ERBB4: variants seen among roughly 807,000 people sequenced by gnomAD.
The protein encoded by ERBB4 is erb-b2 receptor tyrosine kinase 4, also known as receptor tyrosine-protein kinase erbB-4.
A neutral mutation model predicts 158.0 loss-of-function variants in ERBB4; 42 were observed. That is an observed-to-expected ratio of 0.27 (90% CI 0.21 to 0.34). The LOEUF is 0.34. ERBB4 is among the 10% of genes least tolerant of loss of function. The pLI is 1.00. For missense variants in ERBB4, 1,333 were observed against 1,624.1 expected, an observed-to-expected ratio of 0.82 and a Z score of 3.08; for synonymous variants, 583 against 558.7, an observed-to-expected ratio of 1.04 and a Z score of -0.61.
intron 1 of ERBB4, among the ~76,000 whole-genome samples, chr2:212,379,037 C>A (rs182320656): frequency 1.7e-4 from 26 of 151,800 alleles, no homozygotes; most frequent in Non-Finnish European, 3.7e-4. Flanking sequence ...TCAAAGTCCA[C>A]TTTCATTTAC....
chr2:211,953,545 C>T (rs1013064078), intron 2 of ERBB4, among the ~76,000 whole-genome samples: 1 of 145,826 alleles, frequency 6.9e-6, no homozygotes, highest in Non-Finnish European at 1.5e-5. Context: ...GGCTCAGTAA[C>T]AGTTTAGTTC....
chr2:211,501,152 T>C (rs2065604755), intron 20 of ERBB4, among the ~76,000 whole-genome samples: 1 of 151,914 alleles, frequency 6.6e-6, no homozygotes, highest in Non-Finnish European at 1.5e-5. Flanking sequence ...ATATACCTCA[T>C]TTAAAAAGGA....
rs180987396 is a variant in ERBB4 at position 211,979,467 on chromosome 2, A to G, written c.235-31851T>C. Among the ~76,000 whole-genome samples the G allele has an allele frequency of 8.2e-3, 1,248 of 152,284 alleles. 6 individuals are homozygous for G. Among genetic ancestry groups the G allele is most frequent in the Non-Finnish European group, 0.012 (835 of 67,978 alleles). ...GAATGATTCTTCAACTCTCTTTCCT[A>G]TGCTTGTCTACTCTTTAGTTCTACT... On this transcript the variant is annotated intron_variant, in intron 2 of 27. Coordinates refer to ENST00000342788, the MANE Select transcript of ERBB4 (RefSeq NM_005235.3).
intron 2 of ERBB4, among the ~76,000 whole-genome samples, chr2:211,995,146 C>T (rs1045111984): frequency 6.6e-6 from 1 of 152,112 alleles, no homozygotes; most frequent in African/African-American, 2.4e-5. Flanking sequence ...TTTCTAGGCA[C>T]TTAATGTCAG....
chr2:212,343,354 T>C (rs1248771453), intron 1 of ERBB4, among the ~76,000 whole-genome samples: 1 of 152,198 alleles, frequency 6.6e-6, no homozygotes, highest in Non-Finnish European at 1.5e-5. Flanking sequence ...CTTGTCATTG[T>C]GTCACAGTCC....
chr2:211,519,993 A>T (rs919454738), intron 20 of ERBB4, among the ~76,000 whole-genome samples: 1 of 152,290 alleles, frequency 6.6e-6, no homozygotes, highest in Admixed American at 6.5e-5. Flanking sequence ...TACCTCTTCC[A>T]TGTGAGGAGG....
At chr2:211,914,668 A>T (rs903418521) in intron 3 of ERBB4, among the ~76,000 whole-genome samples, 1 of 152,152 alleles carries the variant, frequency 6.6e-6, no homozygotes, top group African/African-American at 2.4e-5. Context: ...TATTTTTATA[A>T]GTGGAAAAAT....
chr2:212,020,379 C>A (rs966102452), intron 2 of ERBB4, among the ~76,000 whole-genome samples: 1 of 152,054 alleles, frequency 6.6e-6, no homozygotes, highest in Non-Finnish European at 1.5e-5. Context: ...TCAGCCTTCT[C>A]ACTTGTTCTA....
chr2:211,392,204 T>G (rs191214940), intron 25 of ERBB4, among the ~76,000 whole-genome samples: 1 of 152,192 alleles, frequency 6.6e-6, no homozygotes, highest in Non-Finnish European at 1.5e-5. Context: ...CAGAAAATGT[T>G]TATTGCATTA....
At position 211,825,778 on chromosome 2, in the gene ERBB4, A is replaced by G. The variant is rs540007084; in HGVS notation, c.422-37619T>C. Among the ~76,000 whole-genome samples, 139 of 147,582 alleles carry G rather than the reference A, an allele frequency of 9.4e-4. 1 individual carries two copies. Among genetic ancestry groups the G allele is most frequent in the African/African-American group, 3.4e-3 (138 of 40,824 alleles). On this transcript the variant is annotated intron_variant, in intron 3 of 27. Coordinates refer to ENST00000342788, the MANE Select transcript of ERBB4 (RefSeq NM_005235.3). The stretch of plus-strand genomic sequence containing the variant: ...TGTCATTATATATATATTATATATT[A>G]TTAATAATATATCAATGATATATTT...
At chr2:211,888,396 A>G (rs1171486141) in intron 3 of ERBB4, among the ~76,000 whole-genome samples, 4 of 152,260 alleles carry the variant, frequency 2.6e-5, no homozygotes, top group Admixed American at 2.6e-4. Context: ...TTATGATTAT[A>G]TATTTCACAA....
intron 1 of ERBB4, among the ~76,000 whole-genome samples, chr2:212,391,533 G>C (rs974560932): frequency 3.4e-5 from 5 of 146,844 alleles, no homozygotes; most frequent in African/African-American, 1.3e-4. Context: ...GCATTGTATG[G>C]CCTCATAGAT....
At chr2:212,251,357 A>C (rs1369879307) in intron 1 of ERBB4, among the ~76,000 whole-genome samples, 2 of 152,040 alleles carry the variant, frequency 1.3e-5, no homozygotes, top group African/African-American at 4.8e-5. Context: ...TGCAGCAGGC[A>C]TCATTCTAGG....
intron 20 of ERBB4, among the ~76,000 whole-genome samples, chr2:211,500,724 GT>G (rs1435461522): frequency 6.6e-6 from 1 of 151,668 alleles, no homozygotes; most frequent in East Asian, 1.9e-4. Flanking sequence ...TTCCAAACTG[GT>G]TTTTTTTGTG....
chr2:211,672,203 A>G (rs918011920), intron 14 of ERBB4, among the ~76,000 whole-genome samples: 1 of 152,188 alleles, frequency 6.6e-6, no homozygotes. Context: ...TATAAAAATT[A>G]ATACTATTTA....
At chr2:212,468,931 A>G (rs1688979338) in intron 1 of ERBB4, among the ~76,000 whole-genome samples, 1 of 152,178 alleles carries the variant, frequency 6.6e-6, no homozygotes, top group African/African-American at 2.4e-5. Flanking sequence ...TTGTTCCCTT[A>G]TTAGGAAAAA....
chr2:212,145,314 C>A (rs1430502921), intron 1 of ERBB4, among the ~76,000 whole-genome samples: 3 of 152,072 alleles, frequency 2.0e-5, no homozygotes, highest in Non-Finnish European at 4.4e-5. Context: ...AAATACTATT[C>A]ATTCACACTA....
Position 211,620,322 on chromosome 2 carries a change from A to G in ERBB4, c.2203-1047T>C, listed in dbSNP as rs1221649526. Among the ~76,000 whole-genome samples, 3 of 152,286 alleles carry G rather than the reference A, an allele frequency of 2.0e-5. No individual in the cohort carries two copies. In the East Asian group the frequency reaches 5.8e-4, roughly 29 times the overall value. ...AAAGAATGAAAAATAATAGTTTGTTATTCCTGAACAAAACATCTTTACTTC... is the reference window on the plus strand; with the variant it reads ...AAAGAATGAAAAATAATAGTTTGTTGTTCCTGAACAAAACATCTTTACTTC... On this transcript the variant is annotated intron_variant, in intron 18 of 27. Transcript: ENST00000342788.
intron 1 of ERBB4, among the ~76,000 whole-genome samples, chr2:212,200,772 T>C (rs1048957564): frequency 1.6e-4 from 24 of 152,174 alleles, no homozygotes; most frequent in African/African-American, 5.3e-4. Context: ...ATTTCCTCCA[T>C]AGGAAAATCC....
Sources: allele counts gnomAD v4.1 joint callset (sites outside exome capture counted in the v4.1 genomes callset), GRCh38; gene constraint gnomAD v4.1.1; transcripts MANE v1.5; gene names NCBI Gene and HGNC (gene_info 2026-07-23, HGNC 2026-07-21).